Variants in C22orf31 observed in about 807,000 individuals in gnomAD.
The protein encoded by C22orf31 is uncharacterized protein C22orf31.
A neutral mutation model predicts 15.0 loss-of-function variants in C22orf31; 11 were observed. The observed-to-expected ratio is 0.73, with a 90% confidence interval of 0.46 to 1.21. The LOEUF (loss-of-function observed/expected upper bound fraction) is 1.21, where lower values mean the gene tolerates loss of function less well. C22orf31 is among the 50% of genes most tolerant of loss of function. C22orf31 has a pLI of 0.00. For missense variants in C22orf31, 340 were observed against 347.2 expected (o/e 0.98, Z 0.17); for synonymous variants, 132 against 133.3 (o/e 0.99, Z 0.07).
chr22:29,060,905 G>T, intron 1 of C22orf31, 62 bp from the exon 2 acceptor site: 12 of 1,416,434 alleles, frequency 8.5e-6, no homozygotes, highest in Non-Finnish European at 1.2e-5. Flanking sequence ...GAGAATAAAA[G>T]GTCTACTTTG....
upstream of C22orf31, among the ~76,000 whole-genome samples, chr22:29,064,015 G>C (rs2347792): frequency 6.6e-6 from 1 of 151,960 alleles, no homozygotes; most frequent in Non-Finnish European, 1.5e-5. Flanking sequence ...TTATAGGCAC[G>C]CACTATCATG....
rs759690698 is a variant in C22orf31 at position 29,060,839 on chromosome 22, G to T, written c.8C>A (p.Pro3Gln). 6.2e-7 allele frequency: 1 copy of T among 1,611,588 alleles called. No homozygotes were observed. Among genetic ancestry groups the T allele is most frequent in the Non-Finnish European group, 8.5e-7 (1 of 1,178,142 alleles). MHPINVRRDPSIP... is the reference protein window; with the variant it reads MHQINVRRDPSIP... ...GCTGGGGTCTCGTCTCACATTGATTGGGTGCTAGAATTATAAGGAGGGAGA... is the reference window on the plus strand; with the variant it reads ...GCTGGGGTCTCGTCTCACATTGATTTGGTGCTAGAATTATAAGGAGGGAGA... The change falls in exon 2 of 3, where the codon CCA (proline) becomes CAA (glutamine). Residue 3 changes from proline to glutamine, a missense_variant. Pro to Gln is a moderately conservative substitution (Grantham distance 76). Coordinates refer to ENST00000216071, the MANE Select transcript of C22orf31 (RefSeq NM_015370.2).
rs1026695759 is a variant in C22orf31, at chr22:29,060,783, A to C, written c.64T>G (p.Leu22Val). The change falls in exon 2 of 3, where the codon TTA becomes GTA. Residue 22 changes from leucine (L) to valine (V), a missense_variant. By Grantham distance (32) the Leu-to-Val change is conservative. Coordinates refer to ENST00000216071, the MANE Select transcript of C22orf31 (RefSeq NM_015370.2). ...IPIYGLRQSI[L>V]LNTRLQDCYV... ...CAGTCCTGAAGCCTGGTATTTAATA[A>C]GATGGACTGTCGGAGTCCATAGATA... The C allele has an allele frequency of 1.2e-6, 2 of 1,614,086 alleles. No individual in the cohort carries two copies. The highest frequency in any genetic ancestry group is 8.5e-7 in the Non-Finnish European group (1 of 1,179,960).
At chr22:29,071,481 G>T in the C22orf31 span, among the ~76,000 whole-genome samples, 1 of 152,160 alleles carries the variant, frequency 6.6e-6, no homozygotes, top group Non-Finnish European at 1.5e-5. Context: ...AGGGGCGAGT[G>T]TACCCAAGGC....
chr22:29,066,512 C>T (rs150683966), upstream of C22orf31, among the ~76,000 whole-genome samples: 19 of 122,706 alleles, frequency 1.5e-4, 1 homozygote, highest in East Asian at 4.1e-3. Context: ...TTCCTCCTTT[C>T]TTTCTTTCTT....
chr22:29,068,412 CT>C, the C22orf31 span, among the ~76,000 whole-genome samples: 78,316 of 127,270 alleles, frequency 0.62, 23,740 homozygotes, highest in Middle Eastern at 0.76. Context: ...CTTTAAATTT[CT>C]TTTTTTTTTT....
chr22:29,063,781 TAAAG>T (rs2037411721), upstream of C22orf31, among the ~76,000 whole-genome samples: 1 of 152,190 alleles, frequency 6.6e-6, no homozygotes, highest in African/African-American at 2.4e-5. Flanking sequence ...GTTTTACAGA[TAAAG>T]AAACTGAGGC....
chr22:29,062,867 A>G (rs1471609399), upstream of C22orf31, among the ~76,000 whole-genome samples: 1 of 152,084 alleles, frequency 6.6e-6, no homozygotes, highest in African/African-American at 2.4e-5. Flanking sequence ...ATTTTAGAGC[A>G]GGGCTTTGGA....
At chr22:29,059,265 G>T in intron 2 of C22orf31, 83 bp from the exon 3 acceptor site, 1 of 1,087,682 alleles carries the variant, frequency 9.2e-7, no homozygotes, top group Non-Finnish European at 1.3e-6. Flanking sequence ...GTGTCCCAGA[G>T]TCTTGGTTAC....
chr22:29,060,021 CTTTTTTTTTTTTTT>C (rs60208241), intron 2 of C22orf31: 4 of 541,652 alleles, frequency 7.4e-6, no homozygotes, highest in Non-Finnish European at 8.9e-6. Context: ...TTTTTCTTTT[CTTTTTTTTTTTTTT>C]TTTTTTTTAT....
chr22:29,059,749 C>A (rs1302813952), intron 2 of C22orf31: 2 of 985,156 alleles, frequency 2.0e-6, no homozygotes, highest in African/African-American at 3.5e-5. Context: ...AGATCCATAG[C>A]TGACCACTGG....
chr22:29,069,026 T>A, the C22orf31 span, among the ~76,000 whole-genome samples: 5 of 152,102 alleles, frequency 3.3e-5, no homozygotes, highest in Non-Finnish European at 7.4e-5. Flanking sequence ...CCTCCCAAAG[T>A]GCTGGGATTA....
At chr22:29,065,532 A>G (rs1332960860), upstream of C22orf31, among the ~76,000 whole-genome samples, 1 of 152,232 alleles carries the variant, frequency 6.6e-6, no homozygotes, top group African/African-American at 2.4e-5. Context: ...CATCTTCATT[A>G]TATATTTGTC....
At chr22:29,059,629 T>A in intron 2 of C22orf31, 1 of 944,600 alleles carries the variant, frequency 1.1e-6, no homozygotes, top group Non-Finnish European at 1.3e-6. Flanking sequence ...TCAATTACAG[T>A]CCGAGTTGGG....
At chr22:29,069,463 T>C in the C22orf31 span, among the ~76,000 whole-genome samples, 1 of 152,166 alleles carries the variant, frequency 6.6e-6, no homozygotes, top group Non-Finnish European at 1.5e-5. Context: ...GAAAGGGGCC[T>C]TACTTGCACA....
chr22:29,072,468 C>T, the C22orf31 span, among the ~76,000 whole-genome samples: 98,475 of 151,996 alleles, frequency 0.65, 32,148 homozygotes, highest in Middle Eastern at 0.76. Context: ...TGAGGAGTAG[C>T]AGCTATTATC....
At chr22:29,072,333 C>A in the C22orf31 span, among the ~76,000 whole-genome samples, 1 of 151,836 alleles carries the variant, frequency 6.6e-6, no homozygotes, top group African/African-American at 2.4e-5. Flanking sequence ...GCTGTGTTGC[C>A]CAGGTTGGTC....
At chr22:29,061,452 G>A (rs1315652293) in intron 1 of C22orf31, among the ~76,000 whole-genome samples, 1 of 152,102 alleles carries the variant, frequency 6.6e-6, no homozygotes. Context: ...TTTTAGTAGA[G>A]ACAGGGTTTC....
chr22:29,073,842 C>T, the C22orf31 span, among the ~76,000 whole-genome samples: 2 of 152,192 alleles, frequency 1.3e-5, no homozygotes, highest in South Asian at 4.1e-4. The surrounding 1 kb of genome is among the most constrained non-coding windows in gnomAD (Gnocchi z 4.4). Context: ...CCCAGTACCT[C>T]CTGGGATCCC....
Sources: gnomAD v4.1 joint callset for allele counts (sites outside exome capture counted in the v4.1 genomes callset) on GRCh38, gnomAD v4.1.1 for gene constraint, Gnocchi (gnomAD v3.1) non-coding constraint, MANE v1.5 for transcripts, NCBI Gene and HGNC (gene_info 2026-07-23, HGNC 2026-07-21) for gene names.